Variants in TNFRSF10B observed in about 807,000 individuals in gnomAD.
TNFRSF10B encodes tumor necrosis factor receptor superfamily member 10B.
In TNFRSF10B, 35 loss-of-function variants were observed where a neutral mutation model predicts 41.4. The ratio of observed to expected loss-of-function variants is 0.85; its 90% CI spans 0.65 to 1.12. The LOEUF (loss-of-function observed/expected upper bound fraction) is 1.12. Ranked by LOEUF, TNFRSF10B falls within the 50% of genes most tolerant of loss-of-function variation. TNFRSF10B has a pLI of 0.00. For missense variants in TNFRSF10B, 584 were observed against 552.7 expected (o/e 1.06, Z -0.57); for synonymous variants, 230 against 215.5 (o/e 1.07, Z -0.59).
intron 2 of TNFRSF10B, among the ~76,000 whole-genome samples, chr8:23,039,966 G>A (rs1812122381): frequency 6.6e-6 from 1 of 152,076 alleles, no homozygotes; most frequent in Non-Finnish European, 1.5e-5. Flanking sequence ...GCCGAGGCAG[G>A]TGGATCACTT....
At chr8:23,033,871 C>T (rs1811958040) in intron 2 of TNFRSF10B, among the ~76,000 whole-genome samples, 1 of 152,030 alleles carries the variant, frequency 6.6e-6, no homozygotes. Flanking sequence ...TAAAAAGGCA[C>T]TAATCCCATC....
rs541477712 is a variant in TNFRSF10B at position 23,048,509 on chromosome 8, G to A, written c.145-5266C>T. On this transcript the variant is annotated intron_variant, in intron 1 of 8. Coordinates refer to ENST00000276431, the MANE Select transcript of TNFRSF10B (RefSeq NM_003842.5). ...ATGGTGGTTACTAGAGTCTGGGCAC[G>A]GGGGAATGGGGAGATGATAATCAAA... Among the ~76,000 whole-genome samples the A allele has an allele frequency of 5.9e-5, 9 of 151,672 alleles. No homozygotes were observed. In the South Asian group the frequency reaches 8.4e-4, roughly 14 times the overall value.
At position 23,027,329 on chromosome 8, in the gene TNFRSF10B, G is replaced by A. The variant is rs200516896; in HGVS notation, c.781-41C>T. On this transcript the variant is annotated intron_variant, in intron 6 of 8. Transcript: ENST00000276431. ...GGGAAGGCAAAAAGCCGACTCAGGA[G>A]TCCACACCTAGGGCTCGCTGCAGGG... is the stretch of plus-strand genomic sequence containing the variant. 8.0e-5 allele frequency: 129 copies of A among 1,612,980 alleles called. 1 individual carries two copies. In the African/African-American group the frequency reaches 1.6e-3, roughly 20 times the overall value.
rs2128811813 is a variant in TNFRSF10B at position 23,028,474 on chromosome 8, G to A, written c.605C>T (p.Pro202Leu). The A allele has an allele frequency of 8.1e-6, 13 of 1,614,134 alleles. No homozygotes were observed. Among genetic ancestry groups the A allele is most frequent in the Non-Finnish European group, 1.1e-5 (13 of 1,179,984 alleles). The change falls in exon 5 of 9, where the codon CCA (proline) becomes CTA (leucine). Residue 202 changes from proline (P) to leucine (L), a missense_variant. Transcript: ENST00000276431. ...PAVEETVTSS[P>L]GTPASPCSLS... ...AGAACAGGGAGAGGCAGGAGTCCCTGGGCTGGAGGTCACCGTCTCCTCCAC... is the reference window on the plus strand; with the variant it reads ...AGAACAGGGAGAGGCAGGAGTCCCTAGGCTGGAGGTCACCGTCTCCTCCAC...
chr8:23,027,171 C>T lies in TNFRSF10B; in HGVS notation c.898G>A (p.Val300Ile). 17 of 1,614,240 alleles carry T rather than the reference C, an allele frequency of 1.1e-5. No homozygotes were observed. Among genetic ancestry groups the T allele is most frequent in the Middle Eastern group, 1.7e-4 (1 of 6,060 alleles). ...EVQEPAEPTG[V>I]NMLSPGESEH... is the part of the protein sequence containing the mutation. ...GACTCCCCGGGGGACAACATGTTGA[C>T]ACCTGTTGGCTCTGCTGGCTCCTGG... is the stretch of plus-strand genomic sequence containing the variant. The change falls in exon 7 of 9, where the codon GTC (valine) becomes ATC (isoleucine). Residue 300 changes from valine (V) to isoleucine (I), a missense_variant. Physicochemically the swap from Val to Ile is conservative, Grantham distance 29 (BLOSUM62 3). Coordinates refer to ENST00000276431, the MANE Select transcript of TNFRSF10B (RefSeq NM_003842.5).
intron 1 of TNFRSF10B, among the ~76,000 whole-genome samples, chr8:23,051,903 G>C (rs1359724588): frequency 6.6e-6 from 1 of 152,170 alleles, no homozygotes; most frequent in Admixed American, 6.5e-5. Context: ...CATGAAGGAA[G>C]TTTGTTCTGG....
At chr8:23,044,720 G>A (rs1372690518) in intron 1 of TNFRSF10B, among the ~76,000 whole-genome samples, 2 of 151,528 alleles carry the variant, frequency 1.3e-5, no homozygotes, top group African/African-American at 2.4e-5. Flanking sequence ...TGTACCTCAA[G>A]GAAATAGAAG....
At chr8:23,048,513 G>A (rs1213548227) in intron 1 of TNFRSF10B, among the ~76,000 whole-genome samples, 1 of 151,908 alleles carries the variant, frequency 6.6e-6, no homozygotes, top group Non-Finnish European at 1.5e-5. Context: ...GGGCACGGGG[G>A]AATGGGGAGA....
intron 1 of TNFRSF10B, among the ~76,000 whole-genome samples, chr8:23,053,961 T>G (rs1379324657): frequency 6.6e-6 from 1 of 152,230 alleles, no homozygotes; most frequent in Non-Finnish European, 1.5e-5. Flanking sequence ...TTATAATTGT[T>G]ATGTTAAAAT....
intron 1 of TNFRSF10B, among the ~76,000 whole-genome samples, chr8:23,055,686 T>G (rs1361021104): frequency 6.6e-6 from 1 of 152,074 alleles, no homozygotes; most frequent in Admixed American, 6.6e-5. Flanking sequence ...ATTGGGGGTT[T>G]TGAAGAAACT....
At chr8:23,063,184 C>G (rs1205431221) in intron 1 of TNFRSF10B, among the ~76,000 whole-genome samples, 1 of 151,972 alleles carries the variant, frequency 6.6e-6, no homozygotes, top group Non-Finnish European at 1.5e-5. Flanking sequence ...CCGGTCTCTA[C>G]TAAAAATACA....
At chr8:23,031,129 G>A (rs565671359) in intron 2 of TNFRSF10B, among the ~76,000 whole-genome samples, 2 of 152,330 alleles carry the variant, frequency 1.3e-5, no homozygotes, top group South Asian at 4.1e-4. Flanking sequence ...AGGCTGGAGT[G>A]CAGTGGCGTG....
At chr8:23,055,680 G>A (rs1041318515) in intron 1 of TNFRSF10B, among the ~76,000 whole-genome samples, 1 of 151,940 alleles carries the variant, frequency 6.6e-6, no homozygotes, top group African/African-American at 2.4e-5. Flanking sequence ...AGTTTTATTG[G>A]GGGTTTTGAA....
intron 2 of TNFRSF10B, among the ~76,000 whole-genome samples, chr8:23,040,620 C>T (rs73220618): frequency 0.14 from 20,489 of 144,478 alleles, 1,843 homozygotes; most frequent in East Asian, 0.36. Flanking sequence ...ATAAAGAAAA[C>T]AAATAACTGA....
chr8:23,067,033 C>A (rs1310294746), intron 1 of TNFRSF10B, among the ~76,000 whole-genome samples: 1 of 151,080 alleles, frequency 6.6e-6, no homozygotes, highest in Non-Finnish European at 1.5e-5. Context: ...GGCTGGAGTG[C>A]AGTGGCGCCA....
intron 1 of TNFRSF10B, among the ~76,000 whole-genome samples, chr8:23,053,261 GTA>G (rs991710240): frequency 6.6e-6 from 1 of 152,094 alleles, no homozygotes; most frequent in Non-Finnish European, 1.5e-5. Flanking sequence ...TCCATACCTA[GTA>G]TATAATTAAA....
intron 1 of TNFRSF10B, among the ~76,000 whole-genome samples, chr8:23,067,263 C>A (rs2128822817): frequency 6.6e-6 from 1 of 152,026 alleles, no homozygotes; most frequent in South Asian, 2.1e-4. Flanking sequence ...CAGGCATGAG[C>A]TACCAGACCC....
chr8:23,043,191 C>A lies in TNFRSF10B; in HGVS notation c.197G>T (p.Arg66Ile). The change falls in exon 2 of 9, where the codon AGA (arginine) becomes ATA (isoleucine). Residue 66 changes from arginine to isoleucine, a missense_variant. Physicochemically the swap from Arg to Ile is moderately conservative, Grantham distance 97. Coordinates refer to ENST00000276431, the MANE Select transcript of TNFRSF10B (RefSeq NM_003842.5). ...GGACCTCTTTTGTTGTGGGGCCGCT[C>A]TCTGCTGGGGAGCTAGGTCTTGTTG... ...ITQQDLAPQQ[R>I]AAPQQKRSSP... 1.2e-6 allele frequency: 2 copies of A among 1,614,144 alleles called. No homozygotes were observed. Among genetic ancestry groups the A allele is most frequent in the Non-Finnish European group, 1.7e-6 (2 of 1,180,020 alleles).
chr8:23,026,584 G>A (rs951831324), intron 7 of TNFRSF10B, among the ~76,000 whole-genome samples: 1 of 152,078 alleles, frequency 6.6e-6, no homozygotes. Flanking sequence ...CAGTGCTTAC[G>A]AGCAATGAAC....
Sources: gnomAD v4.1 joint callset for allele counts (sites outside exome capture counted in the v4.1 genomes callset) on GRCh38, gnomAD v4.1.1 for gene constraint, MANE v1.5 for transcripts, NCBI Gene and HGNC (gene_info 2026-07-23, HGNC 2026-07-21) for gene names.